NARS2: variants seen among roughly 807,000 people sequenced by gnomAD.
NARS2 encodes asparaginyl-tRNA synthetase 2, mitochondrial.
A neutral mutation model predicts 62.9 loss-of-function variants in NARS2; 60 were observed. The ratio of observed to expected loss-of-function variants is 0.95; its 90% CI spans 0.77 to 1.18. The LOEUF (loss-of-function observed/expected upper bound fraction) is 1.18, where lower values mean the gene tolerates loss of function less well. NARS2 is among the 50% of genes most tolerant of loss of function. The pLI is 0.00. For synonymous variants in NARS2, 196 were observed against 200.0 expected, an observed-to-expected ratio of 0.98 and a Z score of 0.17; for missense variants, 619 against 576.4, an observed-to-expected ratio of 1.07 and a Z score of -0.76.
rs745859472 is a variant in NARS2 at position 78,465,869 on chromosome 11, T to A, written c.1164+7A>T. The A allele has an allele frequency of 1.2e-6, 2 of 1,614,154 alleles. No individual in the cohort carries two copies. Among genetic ancestry groups the A allele is most frequent in the East Asian group, 4.5e-5 (2 of 44,884 alleles). On this transcript the variant is annotated splice_region_variant and intron_variant, in intron 11 of 13. Coordinates refer to ENST00000281038, the MANE Select transcript of NARS2 (RefSeq NM_024678.6). ...CTAACCCCAATTTATTTAGTATCTC[T>A]TCTTACCGTGTGCTGAGGGCCATCT...
At chr11:78,518,280 T>C in intron 6 of NARS2, among the ~76,000 whole-genome samples, 1 of 152,194 alleles carries the variant, frequency 6.6e-6, no homozygotes, top group South Asian at 2.1e-4. Flanking sequence ...CAAGTTTTGG[T>C]ATCTGGAGAG....
intron 5 of NARS2, among the ~76,000 whole-genome samples, chr11:78,544,333 G>A (rs186777758): frequency 6.6e-6 from 1 of 152,286 alleles, no homozygotes; most frequent in African/African-American, 2.4e-5. Context: ...ACTGGGGAGA[G>A]CTACTGAAAT....
intron 6 of NARS2, among the ~76,000 whole-genome samples, chr11:78,518,825 TC>T (rs1861008928): frequency 6.6e-6 from 1 of 152,142 alleles, no homozygotes; most frequent in Non-Finnish European, 1.5e-5. Flanking sequence ...CCAGAATTTT[TC>T]TTTATGACGT....
At chr11:78,527,004 T>C (rs1275663299) in intron 6 of NARS2, among the ~76,000 whole-genome samples, 1 of 152,198 alleles carries the variant, frequency 6.6e-6, no homozygotes, top group African/African-American at 2.4e-5. Flanking sequence ...AATGTACTTG[T>C]TCCATTAGTC....
At chr11:78,519,078 G>A (rs1861018186) in intron 6 of NARS2, among the ~76,000 whole-genome samples, 1 of 152,090 alleles carries the variant, frequency 6.6e-6, no homozygotes, top group African/African-American at 2.4e-5. Context: ...CAGTATCAAG[G>A]GAATGAAGAA....
chr11:78,568,491 T>C, intron 3 of NARS2, 141 bp downstream of exon 3: 8 of 1,028,632 alleles, frequency 7.8e-6, no homozygotes, highest in Non-Finnish European at 1.1e-5. Flanking sequence ...CTACTGCCTC[T>C]ACAGGTCATA....
At chr11:78,502,181 A>C (rs1282521803) in intron 6 of NARS2, among the ~76,000 whole-genome samples, 1 of 152,194 alleles carries the variant, frequency 6.6e-6, no homozygotes, top group African/African-American at 2.4e-5. Flanking sequence ...GGAAATGGAG[A>C]GTACACTATT....
Position 78,566,143 on chromosome 11 carries a change from A to G in NARS2, c.502T>C (p.Ser168Pro). 1 of 1,607,176 alleles carries G rather than the reference A, an allele frequency of 6.2e-7. No homozygotes were observed. The highest frequency in any genetic ancestry group is 1.7e-5 in the Admixed American group (1 of 58,766). ...TTTTAGGATCTTACCTTAAAGAAAG[A>G]ATGAATAGCAGCTGTCGCTTCACTG... ...IRSEATAAIH[S>P]FFKDSGFVHI... Residue 168 changes from serine to proline, a missense_variant, in exon 4 of 14, where the codon TCT (serine) becomes CCT (proline). Transcript: ENST00000281038.
chr11:78,451,696 G>C (rs1263204321), intron 11 of NARS2, among the ~76,000 whole-genome samples: 1 of 152,194 alleles, frequency 6.6e-6, no homozygotes, highest in South Asian at 2.1e-4. Flanking sequence ...GCAGAGATTA[G>C]ATTTTATCAT....
chr11:78,452,925 A>G (rs1460248278), intron 11 of NARS2, among the ~76,000 whole-genome samples: 4 of 152,220 alleles, frequency 2.6e-5, no homozygotes, highest in Non-Finnish European at 5.9e-5. Context: ...GAAGATACAC[A>G]TAGTTTATCT....
intron 4 of NARS2, among the ~76,000 whole-genome samples, chr11:78,559,967 AC>A (rs1856501520): frequency 6.6e-6 from 1 of 152,206 alleles, no homozygotes; most frequent in East Asian, 1.9e-4. Flanking sequence ...TCTCTTTAGT[AC>A]TATATTCTCT....
At chr11:78,506,159 A>G (rs1860489247) in intron 6 of NARS2, among the ~76,000 whole-genome samples, 1 of 152,226 alleles carries the variant, frequency 6.6e-6, no homozygotes, top group Admixed American at 6.5e-5. Context: ...GACATATCCT[A>G]TACTCACTAG....
chr11:78,490,437 T>C (rs1025963626), intron 7 of NARS2, among the ~76,000 whole-genome samples: 16 of 152,210 alleles, frequency 1.1e-4, no homozygotes, highest in African/African-American at 3.9e-4. Context: ...TTCCTGGACA[T>C]TAATCACCAA....
intron 10 of NARS2, among the ~76,000 whole-genome samples, 194 bp downstream of exon 10, chr11:78,469,053 T>C (rs1480672750): frequency 6.6e-6 from 1 of 152,172 alleles, no homozygotes; most frequent in African/African-American, 2.4e-5. Context: ...TTTTTATTCT[T>C]AATTAATTCC....
chr11:78,570,955 G>A (rs748929259), intron 2 of NARS2, among the ~76,000 whole-genome samples: 4 of 152,178 alleles, frequency 2.6e-5, no homozygotes, highest in Non-Finnish European at 4.4e-5. Context: ...ATCATGGGAT[G>A]GGAACATCAG....
At chr11:78,466,698 G>C (rs1858638498) in intron 10 of NARS2, among the ~76,000 whole-genome samples, 1 of 152,114 alleles carries the variant, frequency 6.6e-6, no homozygotes, top group African/African-American at 2.4e-5. Context: ...GGCCAGGCTG[G>C]TCTTGAACTC....
At chr11:78,483,916 G>C (rs1859462626) in intron 7 of NARS2, among the ~76,000 whole-genome samples, 1 of 152,132 alleles carries the variant, frequency 6.6e-6, no homozygotes, top group Non-Finnish European at 1.5e-5. Flanking sequence ...AACCAAAAGA[G>C]AGCCTGTATA....
chr11:78,522,157 T>C (rs1429089300), intron 6 of NARS2, among the ~76,000 whole-genome samples: 1 of 150,040 alleles, frequency 6.7e-6, no homozygotes, highest in Non-Finnish European at 1.5e-5. Context: ...TAAGGTTTCG[T>C]GTGTTGCCCA....
intron 11 of NARS2, among the ~76,000 whole-genome samples, chr11:78,455,273 A>G (rs1858117752): frequency 6.6e-6 from 1 of 152,164 alleles, no homozygotes; most frequent in Admixed American, 6.5e-5. Context: ...TCCTTACTCC[A>G]TTATTTTTAT....
Sources: allele counts gnomAD v4.1 joint callset (sites outside exome capture counted in the v4.1 genomes callset), GRCh38; gene constraint gnomAD v4.1.1; transcripts MANE v1.5; gene names NCBI Gene and HGNC (gene_info 2026-07-23, HGNC 2026-07-21).